ZNF608: variants seen among roughly 807,000 people sequenced by gnomAD.
ZNF608 encodes the protein renal carcinoma antigen NY-REN-36.
A neutral mutation model predicts 109.0 loss-of-function variants in ZNF608; 12 were observed. That is an observed-to-expected ratio of 0.11 (90% confidence interval 0.07 to 0.18). The LOEUF is 0.18. Among genes scored for constraint, ZNF608 ranks in the 10% least tolerant of loss-of-function variants. ZNF608 has a pLI of 1.00. For synonymous variants in ZNF608, 732 were observed against 717.4 expected, an observed-to-expected ratio of 1.02 and a Z score of -0.33; for missense variants, 1,707 against 1,879.3, an observed-to-expected ratio of 0.91 and a Z score of 1.70.
intron 2 of ZNF608, among the ~76,000 whole-genome samples, chr5:124,724,198 A>G (rs1298833305): frequency 1.3e-5 from 2 of 152,158 alleles, no homozygotes; most frequent in African/African-American, 4.8e-5. Flanking sequence ...TGTGATTTGT[A>G]TAAGGGGACA....
chr5:124,724,129 C>T (rs992897839), intron 2 of ZNF608, among the ~76,000 whole-genome samples: 1 of 152,138 alleles, frequency 6.6e-6, no homozygotes, highest in African/African-American at 2.4e-5. Flanking sequence ...TTGAAACACA[C>T]ATGTGCAAAG....
intron 7 of ZNF608, among the ~76,000 whole-genome samples, chr5:124,643,309 G>A (rs1750330953): frequency 6.6e-6 from 1 of 152,070 alleles, no homozygotes; most frequent in East Asian, 1.9e-4. Context: ...GCTTGCTACT[G>A]CCATACGTGC....
intron 2 of ZNF608, among the ~76,000 whole-genome samples, chr5:124,741,633 T>C (rs1749407616): frequency 6.6e-6 from 1 of 152,180 alleles, no homozygotes; most frequent in Non-Finnish European, 1.5e-5. Context: ...CTGGTCCTAC[T>C]AAATCTTTAC....
At chr5:124,658,435 G>A (rs1046004185) in intron 3 of ZNF608, among the ~76,000 whole-genome samples, 1 of 152,228 alleles carries the variant, frequency 6.6e-6, no homozygotes, top group South Asian at 2.1e-4. Context: ...TTGTACCAAG[G>A]GGTTTTATTT....
intron 7 of ZNF608, 116 bp from the exon 8 acceptor site, chr5:124,641,521 A>C: frequency 8.8e-7 from 1 of 1,138,028 alleles, no homozygotes; most frequent in Middle Eastern, 2.2e-4. Flanking sequence ...AGTAAATATA[A>C]AGATACAATT....
At chr5:124,706,500 C>T (rs754064292) in intron 2 of ZNF608, among the ~76,000 whole-genome samples, 2 of 152,180 alleles carry the variant, frequency 1.3e-5, no homozygotes, top group Admixed American at 6.5e-5. Flanking sequence ...AAATCCCTTT[C>T]TGAGGGGAGA....
chr5:124,700,106 A>G lies in ZNF608; in HGVS notation c.1162+908T>C, dbSNP rs113712420. ...GAAAAAAAAGTTCCCCCACCCCTTC[A>G]TTTTTCTTTGTTCTCTGGTCCACTC... On this transcript the variant is annotated intron_variant, in intron 3 of 9. Coordinates refer to ENST00000513986, the MANE Select transcript of ZNF608 (RefSeq NM_020747.3). Among the ~76,000 whole-genome samples, 218 of 151,476 alleles carry G rather than the reference A, an allele frequency of 1.4e-3. 1 individual carries two copies. The highest frequency in any genetic ancestry group is 5.2e-3 in the African/African-American group (214 of 41,266).
intron 2 of ZNF608, among the ~76,000 whole-genome samples, chr5:124,706,485 A>G (rs1753264332): frequency 6.6e-6 from 1 of 152,234 alleles, no homozygotes; most frequent in South Asian, 2.1e-4. Flanking sequence ...ACAAGAGGCA[A>G]CAACAAATCC....
chr5:124,684,950 C>T (rs184849043), intron 3 of ZNF608, among the ~76,000 whole-genome samples: 3 of 152,304 alleles, frequency 2.0e-5, no homozygotes, highest in Admixed American at 2.0e-4. Flanking sequence ...TAGACTATTG[C>T]AGCCAAAGAA....
intron 2 of ZNF608, among the ~76,000 whole-genome samples, chr5:124,740,670 G>T (rs1191263698): frequency 1.3e-5 from 2 of 152,272 alleles, no homozygotes; most frequent in African/African-American, 4.8e-5. Context: ...TTATGGACAG[G>T]TCCATTTGTA....
At chr5:124,724,676 TA>T (rs1754069649) in intron 2 of ZNF608, among the ~76,000 whole-genome samples, 1 of 152,060 alleles carries the variant, frequency 6.6e-6, no homozygotes, top group African/African-American at 2.4e-5. Context: ...CTGGGGAAAG[TA>T]ATACTCTTTC....
At chr5:124,639,422 TAGCTATTCGAAGGAGATAC>T (rs1750134770) in intron 8 of ZNF608, among the ~76,000 whole-genome samples, 1 of 152,222 alleles carries the variant, frequency 6.6e-6, no homozygotes, top group Non-Finnish European at 1.5e-5. Context: ...GTTTTCTTAA[TAGCTATTCGAAGGAGATAC>T]AGCATTCCAT....
At chr5:124,745,338 A>G (rs1369863010) in intron 1 of ZNF608, 166 bp from the exon 2 acceptor site, 1 of 372,058 alleles carries the variant, frequency 2.7e-6, no homozygotes, top group Non-Finnish European at 3.9e-6. Flanking sequence ...AAATAACCAA[A>G]CCCGAAAAAT....
Position 124,701,145 on chromosome 5 carries a change from A to G in ZNF608, c.1031T>C (p.Leu344Ser). Reference protein sequence around the residue: ...SNIAAPVEQLLVRTRSVGVNT... With the variant: ...SNIAAPVEQLSVRTRSVGVNT... ...GACACCCACAGAACGAGTCCGAACC[A>G]AAAGCTGTTCAACCGGTGCTGCAAT... Residue 344 changes from leucine (L) to serine (S), a missense_variant, in exon 3 of 10, where the codon TTG (leucine) becomes TCG (serine). Leu to Ser is a moderately radical substitution (Grantham distance 145, BLOSUM62 -2). This residue lies in a region of ZNF608 where 407 missense variants were observed against 398.7 expected (regional missense o/e 1.02). Transcript: ENST00000513986. 1.2e-6 allele frequency: 2 copies of G among 1,614,174 alleles called. No homozygotes were observed. The highest frequency in any genetic ancestry group is 1.7e-6 in the Non-Finnish European group (2 of 1,180,014).
intron 2 of ZNF608, among the ~76,000 whole-genome samples, chr5:124,730,374 T>G (rs552196379): frequency 6.6e-6 from 1 of 152,220 alleles, no homozygotes; most frequent in African/African-American, 2.4e-5. Flanking sequence ...CAAGGGCAAG[T>G]GATTTCGTGT....
rs371774088 is a variant in ZNF608, at chr5:124,721,037, T to C, written c.907-19768A>G. Among the ~76,000 whole-genome samples the C allele has an allele frequency of 5.9e-5, 9 of 152,308 alleles. No homozygotes were observed. The East Asian group carries it at 9.6e-4, about 16-fold the overall frequency. ...ACAAAAATCTGCCTAATGCAGATTTTTGCAAACAGGATGCCATGACAGTTT... is the reference window on the plus strand; with the variant it reads ...ACAAAAATCTGCCTAATGCAGATTTCTGCAAACAGGATGCCATGACAGTTT... On this transcript the variant is annotated intron_variant, in intron 2 of 9. Coordinates refer to ENST00000513986, the MANE Select transcript of ZNF608 (RefSeq NM_020747.3).
chr5:124,691,583 C>A (rs4388208), intron 3 of ZNF608, among the ~76,000 whole-genome samples: 77,607 of 152,088 alleles, frequency 0.51, 21,361 homozygotes, highest in African/African-American at 0.73. Context: ...AAGCAACCTA[C>A]GTGTCCATCA....
chr5:124,710,181 T>C (rs1753431290), intron 2 of ZNF608: 2 of 454,690 alleles, frequency 4.4e-6, no homozygotes, highest in Admixed American at 2.4e-5. Context: ...CTCATCCTTA[T>C]GCTTCTGGAT....
Position 124,648,210 on chromosome 5 carries a change from G to T in ZNF608, c.2174C>A (p.Thr725Lys). 1 of 1,614,152 alleles carries T rather than the reference G, an allele frequency of 6.2e-7. No homozygotes were observed. Among genetic ancestry groups the T allele is most frequent in the South Asian group, 1.1e-5 (1 of 91,086 alleles). Residue 725 changes from threonine to lysine, a missense_variant, in exon 5 of 10, where the codon ACG becomes AAG. By Grantham distance (78) the Thr-to-Lys change is moderately conservative (BLOSUM62 -1). Transcript: ENST00000513986. ...TTTCAGTTTAGAGAGGTTTTTGTCC[G>T]TTTTGCAGTTGGTAGCTTTTTTGCC... ...EKGKKATNCK[T>K]DKNLSKLKSA...
Sources: allele counts gnomAD v4.1 joint callset (sites outside exome capture counted in the v4.1 genomes callset), GRCh38; gene constraint gnomAD v4.1.1; regional missense constraint gnomAD v4.1.1; transcripts MANE v1.5; gene names NCBI Gene and HGNC (gene_info 2026-07-23, HGNC 2026-07-21).